The following BCAT1 variants were observed in gnomAD, a reference collection of about 807,000 sequenced individuals.
The protein encoded by BCAT1 is branched-chain-amino-acid aminotransferase, cytosolic.
A neutral mutation model predicts 52.4 loss-of-function variants in BCAT1; 48 were observed. The ratio of observed to expected loss-of-function variants is 0.92; its 90% CI spans 0.73 to 1.16. The LOEUF (loss-of-function observed/expected upper bound fraction) is 1.16, where lower values mean the gene tolerates loss of function less well. BCAT1 is among the 50% of genes most tolerant of loss of function. BCAT1 has a pLI of 0.00. For synonymous variants in BCAT1, 167 were observed against 161.3 expected (o/e 1.04, Z -0.27); for missense variants, 451 against 457.1 (o/e 0.99, Z 0.12).
chr12:24,906,228 C>T (rs1943223148), intron 1 of BCAT1, among the ~76,000 whole-genome samples: 1 of 151,690 alleles, frequency 6.6e-6, no homozygotes. Flanking sequence ...TAAGGTGGGA[C>T]AAGGATGAGA....
At chr12:24,878,472 C>G in intron 5 of BCAT1, 58 bp downstream of exon 5, 1 of 1,505,510 alleles carries the variant, frequency 6.6e-7, no homozygotes, top group Non-Finnish European at 9.0e-7. Flanking sequence ...TTTCAAACAA[C>G]AATAAACAAT....
intron 10 of BCAT1, among the ~76,000 whole-genome samples, chr12:24,824,109 T>G (rs1940270629): frequency 6.6e-6 from 1 of 152,190 alleles, no homozygotes; most frequent in South Asian, 2.1e-4. Context: ...TTCATGATCA[T>G]GTCTGCCAAA....
chr12:24,933,822 A>C (rs1943714197), intron 1 of BCAT1, among the ~76,000 whole-genome samples: 1 of 152,072 alleles, frequency 6.6e-6, no homozygotes, highest in Non-Finnish European at 1.5e-5. Context: ...TGGCGAATGC[A>C]CCAGATTTTA....
intron 1 of BCAT1, among the ~76,000 whole-genome samples, chr12:24,927,786 T>C (rs912825754): frequency 6.6e-6 from 1 of 152,222 alleles, no homozygotes; most frequent in Non-Finnish European, 1.5e-5. Flanking sequence ...TGCAAATCTA[T>C]ATAACCATTC....
At chr12:24,947,404 G>C (rs1039330753) in intron 1 of BCAT1, among the ~76,000 whole-genome samples, 1 of 152,170 alleles carries the variant, frequency 6.6e-6, no homozygotes, top group Non-Finnish European at 1.5e-5. Flanking sequence ...ACTTAAGCCC[G>C]GAGAATTTGC....
intron 6 of BCAT1, among the ~76,000 whole-genome samples, chr12:24,847,824 T>C (rs1236977557): frequency 2.6e-5 from 4 of 152,222 alleles, no homozygotes; most frequent in Admixed American, 2.0e-4. Context: ...TGAGACTCAA[T>C]AGTTATTTAA....
At chr12:24,895,898 A>G (rs1942949673) in intron 2 of BCAT1, among the ~76,000 whole-genome samples, 1 of 152,254 alleles carries the variant, frequency 6.6e-6, no homozygotes, top group South Asian at 2.1e-4. Context: ...AGTGACACAA[A>G]AGGCATTAAG....
Position 24,816,427 on chromosome 12 carries a change from C to T in BCAT1, c.*1581G>A. 1 of 397,258 alleles carries T rather than the reference C, an allele frequency of 2.5e-6. No individual in the cohort carries two copies. Among genetic ancestry groups the T allele is most frequent in the East Asian group, 3.6e-5 (1 of 28,032 alleles). The allele number at this position is 397,258 out of a possible 1,614,324, so 24.6% of individuals were successfully genotyped here. A position where few individuals can be genotyped will look rare whatever the true frequency, so the allele number is the denominator to read the frequency against. ...AAGATTTGACTTTCCTTAGATAAAC[C>T]ACAAAGGATACAATTTTAACTCACA... On this transcript the variant is annotated 3_prime_UTR_variant, in exon 11 of 11. Transcript: ENST00000261192.
At chr12:24,826,559 G>C (rs1315647477) in intron 10 of BCAT1, among the ~76,000 whole-genome samples, 1 of 152,172 alleles carries the variant, frequency 6.6e-6, no homozygotes, top group Non-Finnish European at 1.5e-5. Flanking sequence ...AAATTTTGAA[G>C]TAAGGTAGTG....
chr12:24,822,500 A>G (rs764785278), intron 10 of BCAT1, among the ~76,000 whole-genome samples: 14 of 152,350 alleles, frequency 9.2e-5, no homozygotes, highest in Admixed American at 2.0e-4. Flanking sequence ...AATGTAAAAC[A>G]TGATGCAATT....
chr12:24,922,924 A>G (rs1055918785), intron 1 of BCAT1, among the ~76,000 whole-genome samples: 3 of 152,222 alleles, frequency 2.0e-5, no homozygotes, highest in East Asian at 1.9e-4. Flanking sequence ...GAAAAGGCAC[A>G]TGGGACAAAG....
intron 1 of BCAT1, among the ~76,000 whole-genome samples, chr12:24,934,994 CT>C (rs1173990758): frequency 6.6e-6 from 1 of 152,296 alleles, no homozygotes; most frequent in East Asian, 1.9e-4. Context: ...CATTCTTCTT[CT>C]TCTCTCTCTC....
intron 8 of BCAT1, among the ~76,000 whole-genome samples, chr12:24,836,043 A>G (rs74689778): frequency 1.7e-3 from 262 of 152,368 alleles, no homozygotes; most frequent in African/African-American, 6.1e-3. Context: ...GAAGGCAGTC[A>G]AACCAATAAT....
chr12:24,883,948 A>G (rs1942582198), intron 3 of BCAT1, among the ~76,000 whole-genome samples: 1 of 152,158 alleles, frequency 6.6e-6, no homozygotes. Flanking sequence ...CTACAGTGCG[A>G]TCCAGTACCT....
intron 1 of BCAT1, among the ~76,000 whole-genome samples, chr12:24,916,536 GT>G (rs201765771): frequency 1.3e-5 from 2 of 151,884 alleles, no homozygotes; most frequent in Non-Finnish European, 2.9e-5. Flanking sequence ...TTTGCTTTTT[GT>G]TTTTTTGTTT....
chr12:24,891,509 A>C (rs1942836998), intron 3 of BCAT1, among the ~76,000 whole-genome samples: 2 of 152,202 alleles, frequency 1.3e-5, no homozygotes, highest in African/African-American at 4.8e-5. Flanking sequence ...GACGCTTGTA[A>C]TTTTAAGCTA....
intron 5 of BCAT1, among the ~76,000 whole-genome samples, chr12:24,852,481 T>G (rs1320882110): frequency 6.6e-6 from 1 of 152,224 alleles, no homozygotes; most frequent in Non-Finnish European, 1.5e-5. Context: ...CTAATGTATT[T>G]TATGCAAACT....
At chr12:24,895,813 T>C (rs973196199) in intron 2 of BCAT1, among the ~76,000 whole-genome samples, 2 of 152,204 alleles carry the variant, frequency 1.3e-5, no homozygotes, top group East Asian at 3.8e-4. Context: ...ATATTATGAA[T>C]GATAGTAAAT....
At chr12:24,914,083 CT>C (rs34717106) in intron 1 of BCAT1, among the ~76,000 whole-genome samples, 78,948 of 135,584 alleles carry the variant, frequency 0.58, 23,727 homozygotes, top group Non-Finnish European at 0.72. Flanking sequence ...GGTAGATTAT[CT>C]TTTTTTTTTT....
Sources: gnomAD v4.1 joint callset for allele counts (sites outside exome capture counted in the v4.1 genomes callset) on GRCh38, gnomAD v4.1.1 for gene constraint, MANE v1.5 for transcripts, NCBI Gene and HGNC (gene_info 2026-07-23, HGNC 2026-07-21) for gene names.